RGS7: variants seen among roughly 807,000 people sequenced by gnomAD.
RGS7 encodes the protein regulator of G-protein signaling 7.
A neutral mutation model predicts 81.1 loss-of-function variants in RGS7; 27 were observed. The ratio of observed to expected loss-of-function variants is 0.33; its 90% CI spans 0.25 to 0.46. The LOEUF (loss-of-function observed/expected upper bound fraction) is 0.46. RGS7 is among the 20% of genes least tolerant of loss of function. The pLI, the probability that RGS7 is intolerant of heterozygous loss-of-function variation, is 1.00. For synonymous variants in RGS7, 208 were observed against 207.7 expected (o/e 1.00, Z -0.01); for missense variants, 396 against 607.4 (o/e 0.65, Z 3.66).
chr1:240,878,485 C>CTTTTTT (rs1558400005), intron 6 of RGS7, among the ~76,000 whole-genome samples: 1 of 90,376 alleles, frequency 1.1e-5, no homozygotes, highest in East Asian at 3.8e-4. Flanking sequence ...TTTCTTTTTT[C>CTTTTTT]TTTCTTTTTT....
At chr1:240,933,118 G>T (rs535687171) in intron 5 of RGS7, among the ~76,000 whole-genome samples, 2,534 of 148,146 alleles carry the variant, frequency 0.017, 62 homozygotes, top group Middle Eastern at 0.042. Flanking sequence ...TCCTGACCTC[G>T]TGATCTGCCC....
chr1:241,146,822 T>G (rs2068345132), intron 2 of RGS7, among the ~76,000 whole-genome samples: 1 of 152,122 alleles, frequency 6.6e-6, no homozygotes, highest in Non-Finnish European at 1.5e-5. Context: ...GACAGTGGAT[T>G]TAGTGTCTGC....
chr1:241,172,602 T>C (rs1211728776), intron 2 of RGS7, among the ~76,000 whole-genome samples: 2 of 152,306 alleles, frequency 1.3e-5, no homozygotes, highest in East Asian at 3.9e-4. Flanking sequence ...TTTGAATTGA[T>C]AGCCCAAAGA....
At chr1:240,957,820 A>C (rs1340272394) in intron 4 of RGS7, among the ~76,000 whole-genome samples, 2 of 152,174 alleles carry the variant, frequency 1.3e-5, no homozygotes, top group Non-Finnish European at 2.9e-5. Context: ...GTAAATCTAA[A>C]CCTATTCTAA....
intron 2 of RGS7, among the ~76,000 whole-genome samples, chr1:241,261,289 A>G (rs1331573695): frequency 6.6e-6 from 1 of 152,032 alleles, no homozygotes; most frequent in African/African-American, 2.4e-5. Flanking sequence ...ACAGAAGTGC[A>G]TGCAGCTGGG....
intron 1 of RGS7, among the ~76,000 whole-genome samples, chr1:241,356,137 T>C (rs559745112): frequency 1.6e-4 from 24 of 151,566 alleles, no homozygotes; most frequent in African/African-American, 5.8e-4. Context: ...ATTTTCCTAG[T>C]ACAGAGTTCT....
At chr1:241,020,914 T>C (rs1256631707) in intron 3 of RGS7, among the ~76,000 whole-genome samples, 1 of 152,198 alleles carries the variant, frequency 6.6e-6, no homozygotes, top group Non-Finnish European at 1.5e-5. Flanking sequence ...CAATTTGGGA[T>C]CATTCCTTTG....
At chr1:240,930,879 T>C (rs1169315478) in intron 5 of RGS7, 111 bp from the exon 6 acceptor site, 3 of 1,056,082 alleles carry the variant, frequency 2.8e-6, no homozygotes, top group East Asian at 2.4e-5. Flanking sequence ...GTTTGCTATA[T>C]GTTTTATAAT....
intron 18 of RGS7, among the ~76,000 whole-genome samples, chr1:240,778,745 G>C (rs1683417911): frequency 6.6e-6 from 1 of 152,188 alleles, no homozygotes; most frequent in Middle Eastern, 3.4e-3. Context: ...TGTTGGCCAG[G>C]ATGGTCTCGA....
At chr1:240,987,868 C>G (rs1685905051) in intron 3 of RGS7, among the ~76,000 whole-genome samples, 1 of 152,136 alleles carries the variant, frequency 6.6e-6, no homozygotes, top group Non-Finnish European at 1.5e-5. Context: ...AGAAGACTTT[C>G]TATATACTAA....
At chr1:241,159,030 G>C (rs142548246) in intron 2 of RGS7, among the ~76,000 whole-genome samples, 1 of 152,110 alleles carries the variant, frequency 6.6e-6, no homozygotes, top group African/African-American at 2.4e-5. Flanking sequence ...TATTTTTCAA[G>C]ATATATGAGC....
chr1:241,111,917 G>A (rs1048160279), intron 2 of RGS7, among the ~76,000 whole-genome samples: 2 of 152,220 alleles, frequency 1.3e-5, no homozygotes, highest in African/African-American at 4.8e-5. Flanking sequence ...GTTCAGTGAC[G>A]CAGAGCCTAG....
intron 2 of RGS7, among the ~76,000 whole-genome samples, chr1:241,301,389 A>C (rs1915866): frequency 0.96 from 146,447 of 152,340 alleles, 70,652 homozygotes; most frequent in East Asian, 1. Flanking sequence ...GAGGGGTTCA[A>C]ATAGAATCAT....
intron 2 of RGS7, among the ~76,000 whole-genome samples, chr1:241,237,696 G>T (rs905787391): frequency 6.6e-6 from 1 of 152,128 alleles, no homozygotes; most frequent in African/African-American, 2.4e-5. Context: ...AAGGGGCGTG[G>T]CCAGGGAAGC....
chr1:240,865,522 C>T (rs1385486089), intron 9 of RGS7, among the ~76,000 whole-genome samples: 1 of 152,164 alleles, frequency 6.6e-6, no homozygotes, highest in Non-Finnish European at 1.5e-5. Flanking sequence ...CAGATCCTGT[C>T]TAGAAGACAC....
intron 2 of RGS7, among the ~76,000 whole-genome samples, chr1:241,284,688 C>CT (rs755703501): frequency 2.6e-5 from 4 of 152,192 alleles, no homozygotes; most frequent in Non-Finnish European, 4.4e-5. Context: ...CTTGGCCTCT[C>CT]TGACATCACC....
At chr1:241,077,651 C>T (rs2062877948) in intron 3 of RGS7, among the ~76,000 whole-genome samples, 1 of 152,202 alleles carries the variant, frequency 6.6e-6, no homozygotes, top group African/African-American at 2.4e-5. Context: ...TGTTTCTGTT[C>T]TGTTTTCACA....
intron 18 of RGS7, among the ~76,000 whole-genome samples, chr1:240,784,278 G>C (rs1684660723): frequency 6.6e-6 from 1 of 152,076 alleles, no homozygotes; most frequent in Non-Finnish European, 1.5e-5. Context: ...AGAAATAAAG[G>C]GGCAGATTTT....
chr1:240,915,440 A>G (rs969029452), intron 6 of RGS7, among the ~76,000 whole-genome samples: 3 of 152,190 alleles, frequency 2.0e-5, no homozygotes, highest in Non-Finnish European at 4.4e-5. Flanking sequence ...GGGCTCCTGT[A>G]TAATAACAGA....
Sources: allele counts gnomAD v4.1 joint callset (sites outside exome capture counted in the v4.1 genomes callset), GRCh38; gene constraint gnomAD v4.1.1; transcripts MANE v1.5; gene names NCBI Gene and HGNC (gene_info 2026-07-23, HGNC 2026-07-21).